The following DPAGT1 variants were observed in gnomAD, a reference collection of about 807,000 sequenced individuals.
DPAGT1 encodes UDP-N-acetylglucosamine--dolichyl-phosphate N-acetylglucosaminephosphotransferase.
DPAGT1 carries 25 observed loss-of-function variants against 39.3 expected under a neutral mutation model. That is an observed-to-expected ratio of 0.64 (90% CI 0.46 to 0.89). DPAGT1 has a LOEUF of 0.89. Ranked by LOEUF, DPAGT1 falls within the 40% of genes least tolerant of loss-of-function variation. The pLI is 0.00. For missense variants in DPAGT1, 381 were observed against 500.6 expected (o/e 0.76, Z 2.28); for synonymous variants, 193 against 201.4 (o/e 0.96, Z 0.36).
At chr11:119,099,737 C>T (rs184171129) in intron 4 of DPAGT1, among the ~76,000 whole-genome samples, 48 of 143,358 alleles carry the variant, frequency 3.3e-4, no homozygotes, top group Non-Finnish European at 7.5e-5. Flanking sequence ...GCTAAGATCG[C>T]GCCACTGCTC....
In DPAGT1 at chr11:119,101,189, C is replaced by T. The variant is rs1047450464; in HGVS notation, c.162-51G>A. 1.9e-6 allele frequency: 3 copies of T among 1,611,480 alleles called. No homozygotes were observed. The African/African-American group carries it at 4.0e-5, about 22-fold the overall frequency. ...GGGGGAAGAGGAAAGGGGGCGTGGT[C>T]ACTCACTAGTGCAGGTGTTACAGTA... is the stretch of plus-strand genomic sequence containing the variant. On this transcript the variant is annotated intron_variant, in intron 1 of 8. Transcript: ENST00000354202.
At chr11:119,099,007 G>A (rs774750860) in intron 4 of DPAGT1, among the ~76,000 whole-genome samples, 3 of 152,180 alleles carry the variant, frequency 2.0e-5, no homozygotes, top group African/African-American at 4.8e-5. Flanking sequence ...ACACACCATT[G>A]GGAACCACGG....
intron 2 of DPAGT1, 74 bp from the exon 3 acceptor site, chr11:119,100,917 G>C (rs754925955): frequency 1.4e-5 from 22 of 1,613,636 alleles, no homozygotes; most frequent in Non-Finnish European, 1.9e-5. Flanking sequence ...TGTCTTTTCT[G>C]ATAATTTCTT....
downstream of DPAGT1, among the ~76,000 whole-genome samples, chr11:119,095,766 G>T (rs990408411): frequency 6.6e-6 from 1 of 152,086 alleles, no homozygotes; most frequent in Non-Finnish European, 1.5e-5. Flanking sequence ...AAGACCAAAG[G>T]GGTGGAGTCT....
At position 119,101,848 on chromosome 11, in the gene DPAGT1, T is replaced by A; in HGVS notation, c.-193A>T. On this transcript the variant is annotated 5_prime_UTR_variant, in exon 1 of 9. Coordinates refer to ENST00000354202, the MANE Select transcript of DPAGT1 (RefSeq NM_001382.4). ...CGGGGAACCTCTCTAAGGCAACCTATGTTCTGCCCCGCTGCACCCGCCTAT... is the reference window on the plus strand; with the variant it reads ...CGGGGAACCTCTCTAAGGCAACCTAAGTTCTGCCCCGCTGCACCCGCCTAT... 6.9e-7 allele frequency: 1 copy of A among 1,453,696 alleles called. No homozygotes were observed. Among genetic ancestry groups the A allele is most frequent in the Non-Finnish European group, 9.0e-7 (1 of 1,105,128 alleles). The allele number at this position is 1,453,696 out of a possible 1,614,324, so 90.0% of individuals were successfully genotyped here.
At position 119,101,717 on chromosome 11, in the gene DPAGT1, T is replaced by A; in HGVS notation, c.-62A>T. 4 of 1,612,428 alleles carry A rather than the reference T, an allele frequency of 2.5e-6. 1 individual carries two copies. In the South Asian group the frequency reaches 4.4e-5, roughly 18 times the overall value. On this transcript the variant is annotated 5_prime_UTR_variant, in exon 1 of 9. Transcript: ENST00000354202. ...AGGTAACGGGCAAGCTGAGCAGCAG[T>A]CCTGAGGCCTCAGCAGTATGGAGTG...
In DPAGT1 at chr11:119,101,851, T is replaced by C; in HGVS notation, c.-196A>G. 6.9e-7 allele frequency: 1 copy of C among 1,451,234 alleles called. No homozygotes were observed. The highest frequency in any genetic ancestry group is 9.1e-7 in the Non-Finnish European group (1 of 1,103,868). 89.9% of individuals were successfully genotyped at this position (1,451,234 alleles called of 1,614,324 possible). The stretch of plus-strand genomic sequence containing the variant: ...GGAACCTCTCTAAGGCAACCTATGT[T>C]CTGCCCCGCTGCACCCGCCTATCTA... On this transcript the variant is annotated 5_prime_UTR_variant, in exon 1 of 9. Transcript: ENST00000354202.
At chr11:119,095,414 G>A (rs767692455), downstream of DPAGT1, 3 of 1,505,428 alleles carry the variant, frequency 2.0e-6, no homozygotes, top group African/African-American at 2.8e-5. Flanking sequence ...GTAGACCGGT[G>A]AAGCACGACG....
intron 1 of DPAGT1, 98 bp downstream of exon 1, chr11:119,101,397 G>C (rs1946503067): frequency 6.2e-7 from 1 of 1,603,802 alleles, no homozygotes; most frequent in Admixed American, 1.7e-5. Flanking sequence ...TTAGTTCTGA[G>C]TCTTCACGTG....
Position 119,100,296 on chromosome 11 carries a change from A to T in DPAGT1, c.609T>A (p.Ala203=). 6.2e-7 allele frequency: 1 copy of T among 1,614,202 alleles called. No homozygotes were observed. Among genetic ancestry groups the T allele is most frequent in the South Asian group, 1.1e-5 (1 of 91,082 alleles). The part of the protein sequence containing the change: ...LEAGQSLVIS[A]SIIVFNLVEL... ...CTACCAGGTTGAAGACAATGATGGAAGCAGAAATGACTAGTGACTGGCCAG... is the reference window on the plus strand; with the variant it reads ...CTACCAGGTTGAAGACAATGATGGATGCAGAAATGACTAGTGACTGGCCAG... Residue 203 remains alanine, a synonymous_variant, in exon 4 of 9, where the codon GCT becomes GCA. Transcript: ENST00000354202.
In DPAGT1 at chr11:119,100,308, T is replaced by C; in HGVS notation, c.597A>G (p.Leu199=). 6.2e-7 allele frequency: 1 copy of C among 1,614,170 alleles called. No homozygotes were observed. The highest frequency in any genetic ancestry group is 1.3e-5 in the African/African-American group (1 of 75,046). The change falls in exon 4 of 9, where the codon CTA becomes CTG. Residue 199 remains leucine (L), a synonymous_variant. Transcript: ENST00000354202. ...AGACAATGATGGAAGCAGAAATGAC[T>C]AGTGACTGGCCAGCCTCTAGGCCGT... The part of the protein sequence containing the change: ...GINGLEAGQS[L]VISASIIVFN...
At chr11:119,095,581 T>A, downstream of DPAGT1, 1 of 609,424 alleles carries the variant, frequency 1.6e-6, no homozygotes, top group Non-Finnish European at 2.6e-6. Flanking sequence ...AACCCTTGGG[T>A]GTCGCGGCTC....
At chr11:119,095,970 C>CT (rs1034864534), downstream of DPAGT1, among the ~76,000 whole-genome samples, 1 of 151,656 alleles carries the variant, frequency 6.6e-6, no homozygotes, top group African/African-American at 2.4e-5. Context: ...TTCTTTCTTT[C>CT]TTTTTTTAAT....
In DPAGT1 at chr11:119,100,841, A is replaced by G. The variant is rs1294791315; in HGVS notation, c.285T>C (p.Phe95=). 1.9e-6 allele frequency: 3 copies of G among 1,614,208 alleles called. No individual in the cohort carries two copies. The highest frequency in any genetic ancestry group is 3.3e-5 in the Admixed American group (2 of 60,028). The stretch of plus-strand genomic sequence containing the variant: ...CAAGGAGGGCACCTATCAGGGCCAC[A>G]AACTGGGGGAGGCTCGGGCAGGTCC... The part of the protein sequence containing the change: ...EQCKAFPHHE[F]VALIGALLAI... The change falls in exon 3 of 9, where the codon TTT becomes TTC. Residue 95 remains phenylalanine, a splice_region_variant and synonymous_variant. Transcript: ENST00000354202.
Position 119,101,777 on chromosome 11 carries a change from T to C in DPAGT1, c.-122A>G, listed in dbSNP as rs905509193. 24 of 1,562,586 alleles carry C rather than the reference T, an allele frequency of 1.5e-5. No individual in the cohort carries two copies. Among genetic ancestry groups the C allele is most frequent in the Non-Finnish European group, 2.1e-5 (24 of 1,156,316 alleles). ...CACAGGCAGGCTCTTCCCACACCAA[T>C]CTGAGCAAAACCCAGCAACTCTGAC... is the stretch of plus-strand genomic sequence containing the variant. On this transcript the variant is annotated 5_prime_UTR_variant, in exon 1 of 9. Coordinates refer to ENST00000354202, the MANE Select transcript of DPAGT1 (RefSeq NM_001382.4).
chr11:119,101,261 T>C, intron 1 of DPAGT1, 123 bp from the exon 2 acceptor site: 1 of 1,446,308 alleles, frequency 6.9e-7, no homozygotes, highest in Non-Finnish European at 9.5e-7. Flanking sequence ...TGGTAAGTGG[T>C]GAGGGGGGCG....
At position 119,097,617 on chromosome 11, in the gene DPAGT1, G is replaced by A. The variant is rs1946421886; in HGVS notation, c.918-66C>T. 19 of 1,574,908 alleles carry A rather than the reference G, an allele frequency of 1.2e-5. No homozygotes were observed. The highest frequency in any genetic ancestry group is 1.7e-5 in the Non-Finnish European group (19 of 1,144,880). On this transcript the variant is annotated intron_variant, in intron 6 of 8. Transcript: ENST00000354202. This position sits in a 1 kb window ranked among gnomAD's most constrained non-coding sequence, Gnocchi z 4.6. ...TGAACCCTCCTCCCTGTGGCTAATAGGAAGAGCATTGAATGTGGAGTCAAC... is the reference window on the plus strand; with the variant it reads ...TGAACCCTCCTCCCTGTGGCTAATAAGAAGAGCATTGAATGTGGAGTCAAC...
At position 119,101,489 on chromosome 11, in the gene DPAGT1, G is replaced by A. The variant is rs762402071; in HGVS notation, c.161+6C>T. The A allele has an allele frequency of 8.7e-6, 14 of 1,613,904 alleles. No homozygotes were observed. The Admixed American group carries it at 2.3e-4, about 27-fold the overall frequency. On this transcript the variant is annotated splice_donor_region_variant and intron_variant, in intron 1 of 8. Transcript: ENST00000354202. The stretch of plus-strand genomic sequence containing the variant: ...CCCCTGCCCGGACCCGTGTGCCGCT[G>A]CTCACATCTGCTGTCGGCTGGTTTT...
intron 4 of DPAGT1, among the ~76,000 whole-genome samples, chr11:119,099,433 AAAAAAAAG>A (rs1308714578): frequency 6.6e-6 from 1 of 151,688 alleles, no homozygotes; most frequent in South Asian, 2.1e-4. Context: ...AAAAAAAAAA[AAAAAAAAG>A]AAAAGAAAAG....
Sources: allele counts gnomAD v4.1 joint callset (sites outside exome capture counted in the v4.1 genomes callset), GRCh38; gene constraint gnomAD v4.1.1; non-coding constraint Gnocchi (gnomAD v3.1); transcripts MANE v1.5; gene names NCBI Gene and HGNC (gene_info 2026-07-23, HGNC 2026-07-21).